NCOA1: variants seen among roughly 807,000 people sequenced by gnomAD.
The protein encoded by NCOA1 is nuclear receptor coactivator 1.
A neutral mutation model predicts 150.9 loss-of-function variants in NCOA1; 35 were observed. The observed-to-expected ratio is 0.23, with a 90% CI of 0.18 to 0.31. The LOEUF is 0.31. Ranked by LOEUF, NCOA1 falls within the 10% of genes least tolerant of loss-of-function variation. The pLI, the probability that NCOA1 is intolerant of heterozygous loss-of-function variation, is 1.00. For synonymous variants in NCOA1, 590 were observed against 630.0 expected (o/e 0.94, Z 0.95); for missense variants, 1,491 against 1,749.3 (o/e 0.85, Z 2.63).
intron 7 of NCOA1, among the ~76,000 whole-genome samples, chr2:24,677,018 A>G (rs930055541): frequency 6.6e-6 from 1 of 152,202 alleles, no homozygotes. Context: ...CAGGGAGAGT[A>G]TATTAGTCAG....
intron 3 of NCOA1, among the ~76,000 whole-genome samples, chr2:24,633,531 T>C (rs966147018): frequency 2.0e-5 from 3 of 152,192 alleles, no homozygotes; most frequent in African/African-American, 7.2e-5. Flanking sequence ...TATTGAGTGC[T>C]TGGCGTAATG....
chr2:24,769,767 A>G lies in NCOA1; in HGVS notation c.*1376A>G, dbSNP rs1665233354. 1 of 221,206 alleles carries G rather than the reference A, an allele frequency of 4.5e-6. No homozygotes were observed. Among genetic ancestry groups the G allele is most frequent in the Non-Finnish European group, 9.1e-6 (1 of 110,414 alleles). The allele number at this position is 221,206 out of a possible 1,614,324, so 13.7% of individuals were successfully genotyped here. On this transcript the variant is annotated 3_prime_UTR_variant, in exon 23 of 23. Transcript: ENST00000348332. ...CAAGAACCCAGTGAACTGACTTTCT[A>G]GTTCTAGAAGTTCCGCTGCAAGGCC...
intron 20 of NCOA1, among the ~76,000 whole-genome samples, chr2:24,755,156 G>A (rs1558342364): frequency 1.3e-5 from 2 of 152,224 alleles, no homozygotes; most frequent in African/African-American, 4.8e-5. Flanking sequence ...TAGTTGGTGA[G>A]GGGGCAGGTC....
chr2:24,691,709 A>G (rs770252400), intron 9 of NCOA1, 49 bp downstream of exon 9: 1 of 1,556,854 alleles, frequency 6.4e-7, no homozygotes, highest in East Asian at 2.3e-5. Context: ...TGTGACTTTA[A>G]GGAAAAGAGA....
intron 22 of NCOA1, among the ~76,000 whole-genome samples, chr2:24,767,107 C>T (rs955232487): frequency 7.2e-5 from 11 of 151,988 alleles, no homozygotes; most frequent in Admixed American, 7.2e-4. Context: ...GACTGGTGTC[C>T]AAATTTGATG....
chr2:24,683,183 T>C lies in NCOA1; in HGVS notation c.532+55T>C, dbSNP rs974306412. ...ACTAGCTCTCTGTATCTTCTCCTTA[T>C]ATAATATGTATAATATGTGATTATT... On this transcript the variant is annotated intron_variant, in intron 8 of 22. Coordinates refer to ENST00000348332, the MANE Select transcript of NCOA1 (RefSeq NM_003743.5). 3.4e-6 allele frequency: 3 copies of C among 895,404 alleles called. No individual in the cohort carries two copies. The African/African-American group carries it at 5.2e-5, about 16-fold the overall frequency. 55.5% of individuals were successfully genotyped at this position (895,404 alleles called of 1,614,324 possible).
At position 24,589,697 on chromosome 2, in the gene NCOA1, G is replaced by A. The variant is rs533832601; in HGVS notation, c.-175+5137G>A. On this transcript the variant is annotated intron_variant, in intron 3 of 22. Transcript: ENST00000348332. ...TGTGTGTGTGTTTGTGCGCACACGC[G>A]CCACGTGTCAGGGAAGTTCCTGGAA... Among the ~76,000 whole-genome samples, 5 of 151,942 alleles carry A rather than the reference G, an allele frequency of 3.3e-5. No individual in the cohort carries two copies. In the South Asian group the frequency reaches 6.2e-4, roughly 19 times the overall value.
chr2:24,701,519 A>AC (rs1673158418), intron 11 of NCOA1, among the ~76,000 whole-genome samples: 4 of 151,750 alleles, frequency 2.6e-5, no homozygotes. Flanking sequence ...AAAAAAAAAA[A>AC]AAAAGAGTAG....
chr2:24,577,289 T>C (rs1029409394), intron 2 of NCOA1, among the ~76,000 whole-genome samples: 3 of 152,228 alleles, frequency 2.0e-5, no homozygotes, highest in African/African-American at 7.2e-5. Context: ...ACAAAGTGCA[T>C]TTTCTCAATT....
At chr2:24,551,086 CTT>C (rs1302670615) in intron 1 of NCOA1, among the ~76,000 whole-genome samples, 1 of 134,634 alleles carries the variant, frequency 7.4e-6, no homozygotes, top group East Asian at 2.1e-4. Flanking sequence ...CAGAGGAAGA[CTT>C]TGTCTCAAAA....
chr2:24,720,575 G>A (rs1364851052), intron 14 of NCOA1, among the ~76,000 whole-genome samples: 1 of 152,104 alleles, frequency 6.6e-6, no homozygotes, highest in East Asian at 1.9e-4. Flanking sequence ...TAGATATGGG[G>A]GAGGTCAGTA....
chr2:24,641,955 C>G (rs1248182842), intron 3 of NCOA1, among the ~76,000 whole-genome samples: 2 of 151,520 alleles, frequency 1.3e-5, no homozygotes, highest in Non-Finnish European at 2.9e-5. Flanking sequence ...GCCCCAGTGT[C>G]TTTCGCCTCT....
chr2:24,507,819 A>G (rs1663771910), intron 1 of NCOA1, among the ~76,000 whole-genome samples: 2 of 152,110 alleles, frequency 1.3e-5, no homozygotes, highest in Non-Finnish European at 2.9e-5. Flanking sequence ...ACCTTGTAGC[A>G]TATGGTTTGT....
intron 1 of NCOA1, among the ~76,000 whole-genome samples, chr2:24,494,086 A>C (rs747613627): frequency 6.6e-6 from 1 of 152,208 alleles, no homozygotes; most frequent in African/African-American, 2.4e-5. Flanking sequence ...TGTTCTGTGC[A>C]TGTCTTCTTG....
At chr2:24,741,732 A>T (rs1475024202) in intron 18 of NCOA1, 52 bp from the exon 19 acceptor site, 3 of 1,538,604 alleles carry the variant, frequency 1.9e-6, no homozygotes, top group African/African-American at 2.8e-5. Flanking sequence ...ACTTTCCAGG[A>T]TAGATAGTGA....
chr2:24,711,084 A>G lies in NCOA1; in HGVS notation c.2572A>G (p.Thr858Ala). 1 of 1,614,082 alleles carries G rather than the reference A, an allele frequency of 6.2e-7. No homozygotes were observed. Among genetic ancestry groups the G allele is most frequent in the Non-Finnish European group, 8.5e-7 (1 of 1,179,974 alleles). ...CCTGCCAGCTTCACTTCAGTCCGCC[A>G]CTGCCAGACCCACTTCCAGGCTAAA... ...EILPASLQSA[T>A]ARPTSRLNRL... Residue 858 changes from threonine (T) to alanine (A), a missense_variant, in exon 14 of 23, where the codon ACT becomes GCT. Thr to Ala is a moderately conservative substitution (Grantham distance 58). Transcript: ENST00000348332.
At chr2:24,608,361 A>C (rs954343272) in intron 3 of NCOA1, among the ~76,000 whole-genome samples, 5 of 150,226 alleles carry the variant, frequency 3.3e-5, no homozygotes, top group African/African-American at 1.2e-4. Context: ...GCTCACTGCA[A>C]TCTCCGCCTC....
chr2:24,540,868 A>G (rs1317818936), intron 1 of NCOA1, among the ~76,000 whole-genome samples: 1 of 152,180 alleles, frequency 6.6e-6, no homozygotes, highest in Non-Finnish European at 1.5e-5. Context: ...AAGAAGACAT[A>G]TGTGTGGGAA....
intron 5 of NCOA1, among the ~76,000 whole-genome samples, chr2:24,663,511 G>A (rs1313656763): frequency 1.3e-5 from 2 of 152,102 alleles, no homozygotes; most frequent in South Asian, 2.1e-4. Flanking sequence ...TAGCTAGTTT[G>A]TTGAAGGAAA....
Sources: gnomAD v4.1 joint callset for allele counts (sites outside exome capture counted in the v4.1 genomes callset) on GRCh38, gnomAD v4.1.1 for gene constraint, MANE v1.5 for transcripts, NCBI Gene and HGNC (gene_info 2026-07-23, HGNC 2026-07-21) for gene names.